EDA: variants seen among roughly 807,000 people sequenced by gnomAD.
The protein encoded by EDA is ectodysplasin A, also known as ectodysplasin-A.
In EDA, 2 loss-of-function variants were observed where a neutral mutation model predicts 23.6. The ratio of observed to expected loss-of-function variants is 0.08; its 90% confidence interval spans 0.03 to 0.27. EDA has a LOEUF of 0.27. Among genes scored for constraint, EDA ranks in the 10% least tolerant of loss-of-function variants. EDA has a pLI of 1.00. For synonymous variants in EDA, 131 were observed against 132.0 expected (o/e 0.99, Z 0.05); for missense variants, 229 against 324.2 (o/e 0.71, Z 2.26).
intron 1 of EDA, among the ~76,000 whole-genome samples, chrX:69,745,050 CTA>C (rs2013576751): frequency 9.0e-6 from 1 of 111,586 alleles, no homozygotes; most frequent in African/African-American, 3.3e-5. Context: ...GTATATTTCT[CTA>C]TTACTTAAAA....
chrX:69,912,407 A>G (rs1186026759), intron 1 of EDA, among the ~76,000 whole-genome samples: 1 of 111,902 alleles, frequency 8.9e-6, no homozygotes, highest in Non-Finnish European at 1.9e-5. Flanking sequence ...CTCTGCCCCA[A>G]TACATCAGAG....
chrX:69,786,494 T>C (rs1193788862), intron 1 of EDA, among the ~76,000 whole-genome samples: 1 of 108,637 alleles, frequency 9.2e-6, no homozygotes, highest in African/African-American at 3.4e-5. Context: ...TGTTGTGTCT[T>C]TGTTCTCGTT....
Position 69,737,510 on chromosome X carries a change from G to A in EDA, c.396+120806G>A, listed in dbSNP as rs73529634. On this transcript the variant is annotated intron_variant, in intron 1 of 7. Transcript: ENST00000374552. ...CCACACAACAACACACTTTGATTTT[G>A]TCTCTCTCATCCTTTGTGCCATTGT... Among the ~76,000 whole-genome samples, 460 of 111,671 alleles carry A rather than the reference G, an allele frequency of 4.1e-3. 1 individual carries two copies. Among genetic ancestry groups the A allele is most frequent in the African/African-American group, 0.014 (435 of 30,840 alleles).
chrX:70,013,173 G>T (rs2019899830), intron 2 of EDA, among the ~76,000 whole-genome samples: 1 of 111,911 alleles, frequency 8.9e-6, no homozygotes, highest in Non-Finnish European at 1.9e-5. Flanking sequence ...TCTGGGAAAA[G>T]AAATCCCAGA....
At chrX:69,990,434 ATCTACTGATAGC>A (rs2019570771) in intron 2 of EDA, among the ~76,000 whole-genome samples, 1 of 110,751 alleles carries the variant, frequency 9.0e-6, no homozygotes, top group Admixed American at 9.6e-5. Flanking sequence ...ATTGATAGCT[ATCTACTGATAGC>A]TAGACCAGTT....
At chrX:69,932,351 A>G (rs2018610151) in intron 1 of EDA, among the ~76,000 whole-genome samples, 1 of 112,046 alleles carries the variant, frequency 8.9e-6, no homozygotes, top group East Asian at 2.8e-4. Context: ...TTGTATGTCT[A>G]TAAAGCCGTA....
At chrX:69,786,158 A>T (rs1176373923) in intron 1 of EDA, among the ~76,000 whole-genome samples, 2 of 110,157 alleles carry the variant, frequency 1.8e-5, no homozygotes, top group Non-Finnish European at 1.9e-5. Context: ...ATCATTTTTT[A>T]TTGCATCTAT....
intron 1 of EDA, among the ~76,000 whole-genome samples, chrX:69,823,054 C>T (rs2016281041): frequency 1.0e-5 from 1 of 98,085 alleles, no homozygotes; most frequent in African/African-American, 4.0e-5. Flanking sequence ...GCATAGTATT[C>T]CATGGTGTAT....
chrX:69,761,591 A>T (rs2014310220), intron 1 of EDA, among the ~76,000 whole-genome samples: 1 of 111,789 alleles, frequency 8.9e-6, no homozygotes, highest in Non-Finnish European at 1.9e-5. Flanking sequence ...ACATAATATT[A>T]TCAGATGAAA....
At chrX:69,652,099 C>T (rs1602254354) in intron 1 of EDA, among the ~76,000 whole-genome samples, 1 of 110,949 alleles carries the variant, frequency 9.0e-6, no homozygotes. Flanking sequence ...GCATTTAGTA[C>T]CTGTTTGAGA....
At chrX:69,682,469 C>T (rs1023278625) in intron 1 of EDA, among the ~76,000 whole-genome samples, 3 of 112,183 alleles carry the variant, frequency 2.7e-5, no homozygotes, top group African/African-American at 6.5e-5. Flanking sequence ...TATCAATCAG[C>T]GAGACTCCGT....
intron 1 of EDA, among the ~76,000 whole-genome samples, chrX:69,645,543 G>C (rs1932901688): frequency 1.4e-5 from 1 of 69,447 alleles, no homozygotes; most frequent in East Asian, 6.5e-4. Flanking sequence ...CTTGTCCTCT[G>C]CTAGCTTTGG....
intron 2 of EDA, among the ~76,000 whole-genome samples, chrX:69,973,285 G>C (rs1376668595): frequency 1.8e-5 from 2 of 111,470 alleles, no homozygotes; most frequent in East Asian, 5.6e-4. Flanking sequence ...CAAGGATCTT[G>C]TGGGAAGACA....
intron 1 of EDA, among the ~76,000 whole-genome samples, chrX:69,790,217 ATATTAT>A (rs1569333580): frequency 1.8e-5 from 2 of 109,884 alleles, no homozygotes; most frequent in Admixed American, 9.7e-5. Flanking sequence ...TTTTTTTTAT[ATATTAT>A]TATTATTATA....
chrX:69,969,647 T>A (rs1569388975), intron 2 of EDA, among the ~76,000 whole-genome samples: 1 of 112,245 alleles, frequency 8.9e-6, no homozygotes, highest in South Asian at 3.7e-4. Context: ...AAGGCATATT[T>A]GCGGTACACA....
chrX:69,847,523 A>G (rs1161884382), intron 1 of EDA, among the ~76,000 whole-genome samples: 1 of 111,517 alleles, frequency 9.0e-6, no homozygotes, highest in African/African-American at 3.3e-5. Context: ...TTTCAAGAAT[A>G]TTATATAAAT....
At chrX:69,887,565 AC>A (rs1400914617) in intron 1 of EDA, among the ~76,000 whole-genome samples, 8 of 111,415 alleles carry the variant, frequency 7.2e-5, no homozygotes, top group African/African-American at 9.8e-5. Context: ...AGGGATATAG[AC>A]CCCCCAGATT....
chrX:69,989,030 C>T (rs1387882627), intron 2 of EDA, among the ~76,000 whole-genome samples: 1 of 111,496 alleles, frequency 9.0e-6, no homozygotes, highest in African/African-American at 3.3e-5. Flanking sequence ...CACTCCTATT[C>T]CCACTGCCCT....
At chrX:69,969,139 C>A (rs930713496) in intron 2 of EDA, among the ~76,000 whole-genome samples, 4 of 112,095 alleles carry the variant, frequency 3.6e-5, no homozygotes, top group Non-Finnish European at 5.6e-5. Context: ...ATCTATTCTC[C>A]CTATAGCACA....
Sources: allele counts gnomAD v4.1 joint callset (sites outside exome capture counted in the v4.1 genomes callset), GRCh38; gene constraint gnomAD v4.1.1; transcripts MANE v1.5; gene names NCBI Gene and HGNC (gene_info 2026-07-23, HGNC 2026-07-21).